The following CDH18 variants were observed in gnomAD, a reference collection of about 807,000 sequenced individuals.
CDH18 encodes cadherin 18.
CDH18 carries 31 observed loss-of-function variants against 67.9 expected under a neutral mutation model. The observed-to-expected ratio is 0.46, with a 90% CI of 0.34 to 0.62. The LOEUF is 0.62. Ranked by LOEUF, CDH18 falls within the 20% of genes least tolerant of loss-of-function variation. The pLI, the probability that CDH18 is intolerant of heterozygous loss-of-function variation, is 0.01. For missense variants in CDH18, 890 were observed against 975.5 expected (o/e 0.91, Z 1.17); for synonymous variants, 362 against 347.2 (o/e 1.04, Z -0.48).
chr5:20,215,778 G>T (rs1740720731), intron 2 of CDH18, among the ~76,000 whole-genome samples: 1 of 151,962 alleles, frequency 6.6e-6, no homozygotes, highest in Non-Finnish European at 1.5e-5. Flanking sequence ...TGTACAACAT[G>T]GAATACTGTG....
chr5:20,233,512 T>A lies in CDH18; in HGVS notation c.-518+21932A>T, dbSNP rs914539307. On this transcript the variant is annotated intron_variant, in intron 2 of 14. Coordinates refer to the CDH18 transcript ENST00000507958. ...TTCTATTTTCTTCTGTTTTCTTTTT[T>A]CTAATGAGAAATACACTATACATTG... is the stretch of plus-strand genomic sequence containing the variant. 2.0e-5 allele frequency among the ~76,000 whole-genome samples: 3 copies of A among 152,024 alleles called. No individual in the cohort carries two copies. The East Asian group carries it at 5.8e-4, about 29-fold the overall frequency.
In CDH18 at chr5:19,838,956, G is replaced by A. The variant is rs770157004; in HGVS notation, c.31C>T (p.Pro11Ser). 5.0e-6 allele frequency: 8 copies of A among 1,613,676 alleles called. No individual in the cohort carries two copies. Among genetic ancestry groups the A allele is most frequent in the Non-Finnish European group, 6.8e-6 (8 of 1,179,610 alleles). Reference protein sequence around the residue: MKITSTSCICPVLVCLCFVQR... With the variant: MKITSTSCICSVLVCLCFVQR... Reference sequence around the variant, plus strand: ...ACAAAACAGAGACACACTAGGACTGGACAGATGCAAGATGTGCTAGTAATT... The same window carrying A: ...ACAAAACAGAGACACACTAGGACTGAACAGATGCAAGATGTGCTAGTAATT... The change falls in exon 3 of 13, where the codon CCA (proline) becomes TCA (serine). Residue 11 changes from proline to serine, a missense_variant. Transcript: ENST00000382275.
At chr5:19,750,449 C>T (rs1770687770) in intron 3 of CDH18, among the ~76,000 whole-genome samples, 1 of 151,886 alleles carries the variant, frequency 6.6e-6, no homozygotes, top group Non-Finnish European at 1.5e-5. Flanking sequence ...TAGTTGCAGA[C>T]ACAGAAAACT....
intron 5 of CDH18, among the ~76,000 whole-genome samples, chr5:19,662,091 C>T (rs1365934403): frequency 2.6e-5 from 4 of 151,886 alleles, no homozygotes; most frequent in Non-Finnish European, 5.9e-5. Flanking sequence ...ACACAGCCAC[C>T]ATGTGGCTTA....
intron 9 of CDH18, among the ~76,000 whole-genome samples, chr5:19,536,727 G>T (rs868820017): frequency 1.3e-5 from 2 of 152,148 alleles, no homozygotes; most frequent in Admixed American, 6.5e-5. Flanking sequence ...AACCAGGGTC[G>T]CTGGGCCTCA....
intron 2 of CDH18, among the ~76,000 whole-genome samples, chr5:20,246,969 TC>T (rs1743427228): frequency 6.6e-6 from 1 of 152,130 alleles, no homozygotes; most frequent in Non-Finnish European, 1.5e-5. Flanking sequence ...CTACTACAAC[TC>T]CTGGCCACTC....
rs139655817 is a variant in CDH18 at position 19,696,989 on chromosome 5, G to C, written c.643+24358C>G. Among the ~76,000 whole-genome samples the C allele has an allele frequency of 1.3e-3, 196 of 152,256 alleles. 1 individual carries two copies. Among genetic ancestry groups the C allele is most frequent in the African/African-American group, 4.6e-3 (190 of 41,558 alleles). ...TCCATTAACCAAACAATACTCAACA[G>C]AAAGTCTTGCACATAAGATGCAAAC... On this transcript the variant is annotated intron_variant, in intron 5 of 12. Coordinates refer to ENST00000382275, the MANE Select transcript of CDH18 (RefSeq NM_004934.5).
At chr5:20,221,993 T>C (rs552309851) in intron 2 of CDH18, among the ~76,000 whole-genome samples, 4 of 152,144 alleles carry the variant, frequency 2.6e-5, no homozygotes, top group South Asian at 4.1e-4. Context: ...GTTCTTTTCA[T>C]CAATGCTCAA....
At chr5:20,067,019 A>C (rs1443591622) in intron 2 of CDH18, among the ~76,000 whole-genome samples, 1 of 151,912 alleles carries the variant, frequency 6.6e-6, no homozygotes, top group Non-Finnish European at 1.5e-5. Context: ...GGAAAAAAAA[A>C]CAACAGTAAA....
At chr5:20,137,488 C>CT (rs2126506114) in intron 2 of CDH18, among the ~76,000 whole-genome samples, 1 of 152,112 alleles carries the variant, frequency 6.6e-6, no homozygotes, top group African/African-American at 2.4e-5. Flanking sequence ...TTCATCTAAT[C>CT]TTTTTTCATG....
intron 2 of CDH18, among the ~76,000 whole-genome samples, chr5:20,104,781 G>T (rs1746784158): frequency 6.6e-6 from 1 of 151,780 alleles, no homozygotes; most frequent in Non-Finnish European, 1.5e-5. Context: ...TTTTCCATAG[G>T]TCTTGCCTGT....
intron 1 of CDH18, among the ~76,000 whole-genome samples, chr5:20,486,703 A>ATG (rs1321452035): frequency 2.7e-5 from 4 of 150,310 alleles, no homozygotes; most frequent in Admixed American, 6.6e-5. Context: ...ATATATACAT[A>ATG]TATGTGTGTG....
chr5:19,852,095 C>A (rs1783772794), intron 2 of CDH18, among the ~76,000 whole-genome samples: 1 of 152,006 alleles, frequency 6.6e-6, no homozygotes, highest in Non-Finnish European at 1.5e-5. Flanking sequence ...AAAAATTATT[C>A]ATTACACAAT....
In CDH18 at chr5:19,877,476, T is replaced by C. The variant is rs116041120; in HGVS notation, c.-256-38234A>G. Among the ~76,000 whole-genome samples, 851 of 152,214 alleles carry C rather than the reference T, an allele frequency of 5.6e-3. 11 individuals carry two copies. Among genetic ancestry groups the C allele is most frequent in the African/African-American group, 0.019 (808 of 41,544 alleles). On this transcript the variant is annotated intron_variant, in intron 2 of 12. Coordinates refer to ENST00000382275, the MANE Select transcript of CDH18 (RefSeq NM_004934.5). ...TAGATATTATAGGCACATAAAAGTA[T>C]AGATGAAAAGGGGCTAGTTACATAC...
intron 1 of CDH18, among the ~76,000 whole-genome samples, chr5:20,403,746 A>G (rs1745987526): frequency 6.6e-6 from 1 of 152,170 alleles, no homozygotes; most frequent in Admixed American, 6.5e-5. Context: ...TGGCCTTGGA[A>G]TTTTCAGAAT....
At chr5:19,498,864 T>G (rs1458893340) in intron 11 of CDH18, among the ~76,000 whole-genome samples, 1 of 152,208 alleles carries the variant, frequency 6.6e-6, no homozygotes, top group Non-Finnish European at 1.5e-5. Context: ...TCATTCATCA[T>G]TCAGTTGTCA....
At chr5:19,508,772 T>C (rs1744639452) in intron 10 of CDH18, among the ~76,000 whole-genome samples, 1 of 152,064 alleles carries the variant, frequency 6.6e-6, no homozygotes, top group African/African-American at 2.4e-5. Flanking sequence ...CACAAATATA[T>C]AAAATTTGTC....
chr5:19,830,454 C>T (rs1030617587), intron 3 of CDH18, among the ~76,000 whole-genome samples: 4 of 152,002 alleles, frequency 2.6e-5, no homozygotes, highest in East Asian at 3.9e-4. Context: ...CATCACTAAT[C>T]GTTAGATAAA....
chr5:20,413,122 C>T (rs181035272), intron 1 of CDH18, among the ~76,000 whole-genome samples: 2 of 152,332 alleles, frequency 1.3e-5, no homozygotes, highest in African/African-American at 4.8e-5. Context: ...TCATCCATGT[C>T]CCTACAAAGG....
Sources: gnomAD v4.1 joint callset for allele counts (sites outside exome capture counted in the v4.1 genomes callset) on GRCh38, gnomAD v4.1.1 for gene constraint, MANE v1.5 for transcripts, NCBI Gene and HGNC (gene_info 2026-07-23, HGNC 2026-07-21) for gene names.